Variants in OR56A3 observed in about 807,000 individuals in gnomAD.
The protein encoded by OR56A3 is olfactory receptor 56A3.
Under a neutral mutation model 17.5 loss-of-function variants are expected in OR56A3, and 23 were observed. That is an observed-to-expected ratio of 1.32 (90% CI 0.95 to 1.87). OR56A3 has a LOEUF of 1.87. Among genes scored for constraint, OR56A3 ranks in the 40% most tolerant of loss-of-function variants. The pLI, the probability that OR56A3 is intolerant of heterozygous loss-of-function variation, is 0.00. For missense variants in OR56A3, 366 were observed against 380.1 expected, an observed-to-expected ratio of 0.96 and a Z score of 0.31; for synonymous variants, 175 against 150.6, an observed-to-expected ratio of 1.16 and a Z score of -1.19.
At chr11:5,958,462 A>G in the OR56A3 span, among the ~76,000 whole-genome samples, 4 of 152,102 alleles carry the variant, frequency 2.6e-5, no homozygotes, top group African/African-American at 7.2e-5. Context: ...TCTGTTTTTT[A>G]TTGTTCACTT....
chr11:5,993,384 G>T, the OR56A3 span, among the ~76,000 whole-genome samples: 1 of 152,142 alleles, frequency 6.6e-6, no homozygotes, highest in Non-Finnish European at 1.5e-5. Context: ...AGCAAATACA[G>T]CCATCTCTAG....
the OR56A3 span, among the ~76,000 whole-genome samples, chr11:5,964,099 T>C: frequency 3.9e-5 from 6 of 152,326 alleles, no homozygotes; most frequent in Non-Finnish European, 7.3e-5. Context: ...ATTTTTTATT[T>C]TGGTTACTTA....
chr11:5,986,075 C>T, the OR56A3 span: 2 of 1,613,930 alleles, frequency 1.2e-6, no homozygotes, highest in Non-Finnish European at 8.5e-7. Context: ...TGATGGGGTA[C>T]ATGATGACCA....
At chr11:5,995,886 T>A in the OR56A3 span, among the ~76,000 whole-genome samples, 1 of 152,146 alleles carries the variant, frequency 6.6e-6, no homozygotes, top group Non-Finnish European at 1.5e-5. Context: ...CATCTCTCAA[T>A]CCCTCCCTCC....
At chr11:6,010,046 T>C in the OR56A3 span, among the ~76,000 whole-genome samples, 1 of 142,974 alleles carries the variant, frequency 7.0e-6, no homozygotes, top group Non-Finnish European at 1.5e-5. Flanking sequence ...TTTTTAGATA[T>C]TCTAGAAGTC....
At chr11:5,984,012 A>G in the OR56A3 span, among the ~76,000 whole-genome samples, 1 of 152,160 alleles carries the variant, frequency 6.6e-6, no homozygotes, top group South Asian at 2.1e-4. Context: ...AGATTTTGCG[A>G]TGTCTTTCAG....
At chr11:5,957,225 T>G in the OR56A3 span, among the ~76,000 whole-genome samples, 1 of 152,172 alleles carries the variant, frequency 6.6e-6, no homozygotes, top group African/African-American at 2.4e-5. Flanking sequence ...ATCTTAAAAC[T>G]TTATGCACTG....
At chr11:6,003,365 C>T in the OR56A3 span, among the ~76,000 whole-genome samples, 8 of 152,154 alleles carry the variant, frequency 5.3e-5, no homozygotes, top group African/African-American at 9.7e-5. Context: ...TATTGTTGTG[C>T]GTTTATATGA....
chr11:6,005,796 T>A, the OR56A3 span, among the ~76,000 whole-genome samples: 1 of 152,212 alleles, frequency 6.6e-6, no homozygotes, highest in African/African-American at 2.4e-5. Context: ...TATACAGGTA[T>A]CAGTCTCAAC....
chr11:5,986,298 T>C, the OR56A3 span: 1 of 1,613,826 alleles, frequency 6.2e-7, no homozygotes, highest in Admixed American at 1.7e-5. Context: ...CTCGATTGAC[T>C]GTGGTTTCTG....
chr11:6,003,251 T>G, the OR56A3 span: 3 of 699,474 alleles, frequency 4.3e-6, no homozygotes, highest in South Asian at 7.1e-5. Context: ...GTAATTAATA[T>G]TGTTATCCTA....
the OR56A3 span, among the ~76,000 whole-genome samples, chr11:5,989,958 A>T: frequency 6.6e-6 from 1 of 152,240 alleles, no homozygotes; most frequent in African/African-American, 2.4e-5. Context: ...ATTGGTACTT[A>T]TTCATCTAAT....
the OR56A3 span, among the ~76,000 whole-genome samples, chr11:5,965,600 A>G: frequency 6.6e-6 from 1 of 152,222 alleles, no homozygotes; most frequent in African/African-American, 2.4e-5. Flanking sequence ...CACACATAAT[A>G]TTCACTTTTA....
the OR56A3 span, among the ~76,000 whole-genome samples, chr11:5,960,604 C>T: frequency 2.0e-5 from 3 of 152,168 alleles, no homozygotes; most frequent in African/African-American, 4.8e-5. Flanking sequence ...GATCTCGGCT[C>T]GCTACAACCT....
the OR56A3 span, among the ~76,000 whole-genome samples, chr11:5,959,315 T>G: frequency 6.6e-6 from 1 of 152,148 alleles, no homozygotes; most frequent in Admixed American, 6.5e-5. Flanking sequence ...TTGTTGTTGC[T>G]GTTTTGTTTT....
chr11:6,011,204 T>TTATATATATATATATATATATATATATA, the OR56A3 span, among the ~76,000 whole-genome samples: 1 of 122,524 alleles, frequency 8.2e-6, no homozygotes, highest in African/African-American at 3.1e-5. Context: ...GAGATTTATT[T>TTATATATATATATATATATATATATATA]TATATATATA....
the OR56A3 span, among the ~76,000 whole-genome samples, chr11:6,011,619 G>A: frequency 0.016 from 2,442 of 152,228 alleles, 61 homozygotes; most frequent in African/African-American, 0.051. Flanking sequence ...TTGGGGTGTC[G>A]CTTTTATGGC....
the OR56A3 span, among the ~76,000 whole-genome samples, chr11:5,960,149 A>G: frequency 1.3e-5 from 2 of 152,090 alleles, no homozygotes; most frequent in Non-Finnish European, 2.9e-5. Flanking sequence ...GCTATTCAGT[A>G]TCTTTTGGGG....
At chr11:6,010,070 TA>T in the OR56A3 span, among the ~76,000 whole-genome samples, 12 of 129,210 alleles carry the variant, frequency 9.3e-5, no homozygotes, top group East Asian at 2.6e-4. Flanking sequence ...GGTGTTTTTT[TA>T]AAAAAAATAC....
Sources: gnomAD v4.1 joint callset for allele counts (sites outside exome capture counted in the v4.1 genomes callset) on GRCh38, gnomAD v4.1.1 for gene constraint, MANE v1.5 for transcripts, NCBI Gene and HGNC (gene_info 2026-07-23, HGNC 2026-07-21) for gene names.